Variants in NBEA observed in about 807,000 individuals in gnomAD.
The protein encoded by NBEA is neurobeachin, also known as lysosomal-trafficking regulator 2.
Under a neutral mutation model 343.4 loss-of-function variants are expected in NBEA, and 44 were observed. The observed-to-expected ratio is 0.13, with a 90% confidence interval of 0.10 to 0.16. The LOEUF is 0.16. Ranked by LOEUF, NBEA falls within the 10% of genes least tolerant of loss-of-function variation. The pLI is 1.00. For synonymous variants in NBEA, 1,175 were observed against 1,238.7 expected, an observed-to-expected ratio of 0.95 and a Z score of 1.08; for missense variants, 2,555 against 3,631.3, an observed-to-expected ratio of 0.70 and a Z score of 7.62.
At chr13:35,176,488 G>C (rs1245319004) in intron 27 of NBEA, among the ~76,000 whole-genome samples, 1 of 151,938 alleles carries the variant, frequency 6.6e-6, no homozygotes, top group African/African-American at 2.4e-5. Context: ...AAAATGTTTT[G>C]TTGGTAACAA....
intron 34 of NBEA, among the ~76,000 whole-genome samples, chr13:35,278,974 T>G (rs1202677295): frequency 6.6e-6 from 1 of 152,210 alleles, no homozygotes; most frequent in African/African-American, 2.4e-5. Flanking sequence ...CATGAAATAT[T>G]GCCTTTCTTT....
At chr13:35,481,819 C>T (rs1322520739) in intron 41 of NBEA, among the ~76,000 whole-genome samples, 1 of 151,778 alleles carries the variant, frequency 6.6e-6, no homozygotes, top group Non-Finnish European at 1.5e-5. Flanking sequence ...TATGATTTTA[C>T]ATACATGAAT....
At chr13:35,034,471 C>CTTTAT (rs1041368004) in intron 1 of NBEA, among the ~76,000 whole-genome samples, 1 of 151,334 alleles carries the variant, frequency 6.6e-6, no homozygotes, top group Non-Finnish European at 1.5e-5. Flanking sequence ...CTGTAGTTTT[C>CTTTAT]TTTATTTTAT....
chr13:35,330,107 C>T (rs890966804), intron 36 of NBEA, among the ~76,000 whole-genome samples: 16 of 151,970 alleles, frequency 1.1e-4, no homozygotes, highest in African/African-American at 3.4e-4. Context: ...TAGCTTTTCC[C>T]GAACAACATA....
chr13:35,652,984 G>A (rs918513877), intron 53 of NBEA, among the ~76,000 whole-genome samples: 2 of 151,772 alleles, frequency 1.3e-5, no homozygotes, highest in African/African-American at 4.8e-5. Flanking sequence ...GTGAGCCACC[G>A]CGCCCGGCCA....
chr13:35,664,118 G>A (rs543251319), intron 55 of NBEA, among the ~76,000 whole-genome samples: 1 of 152,180 alleles, frequency 6.6e-6, no homozygotes, highest in African/African-American at 2.4e-5. Flanking sequence ...GCCACTGTGG[G>A]CAGAGAACTG....
intron 27 of NBEA, among the ~76,000 whole-genome samples, chr13:35,176,765 A>G (rs1316796635): frequency 6.6e-6 from 1 of 151,936 alleles, no homozygotes; most frequent in Non-Finnish European, 1.5e-5. Flanking sequence ...ACCTGCCTTT[A>G]TGAGTCTATA....
At chr13:35,256,014 AC>A (rs2032551668) in intron 34 of NBEA, among the ~76,000 whole-genome samples, 1 of 151,692 alleles carries the variant, frequency 6.6e-6, no homozygotes, top group African/African-American at 2.4e-5. Context: ...TGGAAAGGAT[AC>A]CTGGAGTGAG....
intron 38 of NBEA, among the ~76,000 whole-genome samples, chr13:35,379,670 A>G (rs1030287312): frequency 1.4e-5 from 2 of 147,764 alleles, no homozygotes; most frequent in African/African-American, 4.9e-5. Context: ...TTTGAAAACC[A>G]TTTGGAATTG....
intron 1 of NBEA, among the ~76,000 whole-genome samples, chr13:35,020,141 T>C (rs1460481740): frequency 1.3e-5 from 2 of 152,148 alleles, no homozygotes; most frequent in Non-Finnish European, 2.9e-5. Flanking sequence ...ATAAGTCTTT[T>C]AATGTTATAC....
intron 36 of NBEA, among the ~76,000 whole-genome samples, chr13:35,328,229 A>G (rs1251823824): frequency 6.6e-6 from 1 of 152,052 alleles, no homozygotes; most frequent in Non-Finnish European, 1.5e-5. Context: ...GTTAACATAT[A>G]TAAAACATTG....
chr13:35,232,184 A>G (rs528190901), intron 33 of NBEA, among the ~76,000 whole-genome samples: 4 of 152,272 alleles, frequency 2.6e-5, no homozygotes, highest in Admixed American at 1.3e-4. Flanking sequence ...GGATAGATAC[A>G]TAGAGAAGGC....
intron 33 of NBEA, among the ~76,000 whole-genome samples, chr13:35,223,989 T>G (rs547159031): frequency 6.6e-6 from 1 of 152,196 alleles, no homozygotes; most frequent in Non-Finnish European, 1.5e-5. Flanking sequence ...CCTGTTTATT[T>G]GCCTGCTGTC....
chr13:35,195,141 T>C (rs2072487798), intron 30 of NBEA, among the ~76,000 whole-genome samples: 1 of 152,100 alleles, frequency 6.6e-6, no homozygotes, highest in Non-Finnish European at 1.5e-5. Context: ...AGTATAAAAA[T>C]GACTTTATAT....
intron 30 of NBEA, among the ~76,000 whole-genome samples, chr13:35,195,309 T>G (rs2072501619): frequency 6.6e-6 from 1 of 152,100 alleles, no homozygotes; most frequent in South Asian, 2.1e-4. Flanking sequence ...AGGCATCAGT[T>G]TTGAAATGCC....
chr13:35,186,563 C>T (rs1003327993), intron 30 of NBEA: 5 of 152,114 alleles, frequency 3.3e-5, no homozygotes, highest in African/African-American at 1.2e-4. Context: ...CTACTTTCTC[C>T]TCTTTGAGTG....
intron 4 of NBEA, 45 bp downstream of exon 4, chr13:35,045,446 G>T: frequency 7.0e-7 from 1 of 1,434,392 alleles, no homozygotes; most frequent in Non-Finnish European, 9.5e-7. Flanking sequence ...TTTATTTTTA[G>T]GTCACCTTTA....
At chr13:35,640,431 A>G (rs2083892050) in intron 49 of NBEA, among the ~76,000 whole-genome samples, 1 of 152,322 alleles carries the variant, frequency 6.6e-6, no homozygotes, top group East Asian at 1.9e-4. Flanking sequence ...CTCTCCAGGT[A>G]GATTCTATTA....
intron 1 of NBEA, among the ~76,000 whole-genome samples, chr13:35,028,213 T>A (rs1490500262): frequency 3.9e-5 from 6 of 151,958 alleles, no homozygotes; most frequent in Non-Finnish European, 1.5e-5. Context: ...TAAAAATATT[T>A]CCGGGATTTA....
Sources: allele counts gnomAD v4.1 joint callset (sites outside exome capture counted in the v4.1 genomes callset), GRCh38; gene constraint gnomAD v4.1.1; transcripts MANE v1.5; gene names NCBI Gene and HGNC (gene_info 2026-07-23, HGNC 2026-07-21).